The following NRXN1 variants were observed in gnomAD, a reference collection of about 807,000 sequenced individuals.
NRXN1 encodes neurexin 1.
Under a neutral mutation model 150.9 loss-of-function variants are expected in NRXN1, and 39 were observed. The ratio of observed to expected loss-of-function variants is 0.26; its 90% CI spans 0.20 to 0.34. The LOEUF (loss-of-function observed/expected upper bound fraction) is 0.34, where lower values mean the gene tolerates loss of function less well. Among genes scored for constraint, NRXN1 ranks in the 10% least tolerant of loss-of-function variants. The pLI is 1.00. For synonymous variants in NRXN1, 924 were observed against 757.0 expected (o/e 1.22, Z -3.62); for missense variants, 1,815 against 1,949.9 (o/e 0.93, Z 1.30).
At chr2:50,771,399 A>C (rs1225496643) in intron 5 of NRXN1, among the ~76,000 whole-genome samples, 1 of 152,152 alleles carries the variant, frequency 6.6e-6, no homozygotes, top group Non-Finnish European at 1.5e-5. Context: ...GGTTGCCTAG[A>C]TAGAAATAAC....
chr2:50,392,831 A>T (rs2081815303), intron 17 of NRXN1, among the ~76,000 whole-genome samples: 1 of 152,146 alleles, frequency 6.6e-6, no homozygotes, highest in Non-Finnish European at 1.5e-5. Flanking sequence ...TATTAAAAGC[A>T]AAATGAGCTT....
At chr2:50,298,209 A>G (rs1018875098) in intron 17 of NRXN1, among the ~76,000 whole-genome samples, 1 of 152,216 alleles carries the variant, frequency 6.6e-6, no homozygotes, top group Non-Finnish European at 1.5e-5. Context: ...TCAGGGTCCC[A>G]ATATCTTTAC....
intron 18 of NRXN1, among the ~76,000 whole-genome samples, chr2:50,198,378 G>A (rs116816479): frequency 0.012 from 1,769 of 152,186 alleles, 20 homozygotes; most frequent in Non-Finnish European, 0.019. Context: ...TCCCATGTAG[G>A]AGAATAAGAC....
At chr2:50,875,539 G>T (rs1678446960) in intron 5 of NRXN1, among the ~76,000 whole-genome samples, 1 of 151,414 alleles carries the variant, frequency 6.6e-6, no homozygotes, top group Non-Finnish European at 1.5e-5. Context: ...TCTTTTTATG[G>T]TTTTCAAGCT....
intron 5 of NRXN1, among the ~76,000 whole-genome samples, chr2:50,909,074 G>A (rs1684160656): frequency 6.6e-6 from 1 of 152,022 alleles, no homozygotes; most frequent in South Asian, 2.1e-4. Context: ...TTAAGTAAAT[G>A]AGAAATTAGA....
At chr2:50,746,595 CAAA>C (rs1159295089) in intron 5 of NRXN1, among the ~76,000 whole-genome samples, 2 of 142,106 alleles carry the variant, frequency 1.4e-5, no homozygotes, top group African/African-American at 2.6e-5. Flanking sequence ...ACAACAACAA[CAAA>C]AATGTGGTCT....
intron 5 of NRXN1, among the ~76,000 whole-genome samples, chr2:50,735,807 T>C (rs774674072): frequency 3.9e-5 from 6 of 152,184 alleles, no homozygotes; most frequent in African/African-American, 7.2e-5. Flanking sequence ...TCCACTGTTA[T>C]TGATAGCTCC....
chr2:50,576,614 CA>C (rs887684514), intron 8 of NRXN1, among the ~76,000 whole-genome samples: 12 of 152,100 alleles, frequency 7.9e-5, no homozygotes, highest in African/African-American at 2.9e-4. Flanking sequence ...CAGACACACA[CA>C]AACACATACA....
intron 5 of NRXN1, among the ~76,000 whole-genome samples, chr2:50,864,461 A>G (rs1007117065): frequency 8.5e-5 from 13 of 152,064 alleles, no homozygotes; most frequent in Non-Finnish European, 1.9e-4. Context: ...GTTTTTAAAC[A>G]AAGTGTGTAT....
chr2:50,818,114 C>CAAAAA (rs199675644), intron 5 of NRXN1, among the ~76,000 whole-genome samples: 2 of 46,712 alleles, frequency 4.3e-5, no homozygotes, highest in African/African-American at 7.8e-5. Context: ...GACTCCATAG[C>CAAAAA]AAAAAAAAAA....
At chr2:50,372,105 C>A (rs75114312) in intron 17 of NRXN1, among the ~76,000 whole-genome samples, 2,575 of 152,200 alleles carry the variant, frequency 0.017, 84 homozygotes, top group African/African-American at 0.058. Context: ...TGTTACATTT[C>A]TTCTTCGGTC....
intron 5 of NRXN1, among the ~76,000 whole-genome samples, chr2:50,824,953 C>A (rs1357549753): frequency 6.6e-6 from 1 of 152,094 alleles, no homozygotes; most frequent in Non-Finnish European, 1.5e-5. Flanking sequence ...TCTTGGAGAC[C>A]GGAATTCTCC....
intron 8 of NRXN1, among the ~76,000 whole-genome samples, chr2:50,594,340 A>G (rs762441409): frequency 2.0e-5 from 3 of 152,202 alleles, no homozygotes; most frequent in Non-Finnish European, 4.4e-5. Flanking sequence ...TCATATGGTC[A>G]TATTTATGTA....
At chr2:50,066,934 C>T (rs185015032) in intron 19 of NRXN1, among the ~76,000 whole-genome samples, 34 of 152,076 alleles carry the variant, frequency 2.2e-4, no homozygotes, top group African/African-American at 6.8e-4. Flanking sequence ...AAATTAAATG[C>T]GATATATTAA....
intron 18 of NRXN1, among the ~76,000 whole-genome samples, chr2:50,210,177 T>C (rs2062913951): frequency 6.6e-6 from 1 of 151,930 alleles, no homozygotes; most frequent in Admixed American, 6.6e-5. Flanking sequence ...AGAATAGCCT[T>C]GTTTTGTTTT....
At chr2:50,435,289 G>A (rs1256049411) in intron 17 of NRXN1, among the ~76,000 whole-genome samples, 1 of 151,998 alleles carries the variant, frequency 6.6e-6, no homozygotes, top group East Asian at 1.9e-4. Flanking sequence ...TGCCCTCCCT[G>A]CTTCATTTAT....
chr2:50,033,212 C>A (rs1375759727), intron 21 of NRXN1, among the ~76,000 whole-genome samples: 1 of 151,920 alleles, frequency 6.6e-6, no homozygotes, highest in African/African-American at 2.4e-5. Context: ...CATCATGCTA[C>A]CTGATTTCAA....
intron 2 of NRXN1, among the ~76,000 whole-genome samples, chr2:51,016,633 GA>G (rs1454193253): frequency 6.6e-6 from 1 of 152,142 alleles, no homozygotes; most frequent in Admixed American, 6.5e-5. Context: ...TGGAGAAAAA[GA>G]AACGCTTTTA....
At chr2:50,297,102 G>A (rs547249071) in intron 17 of NRXN1, among the ~76,000 whole-genome samples, 1 of 151,906 alleles carries the variant, frequency 6.6e-6, no homozygotes, top group East Asian at 2.0e-4. Flanking sequence ...TAATGGTCAG[G>A]CTGGTCTCAA....
Sources: gnomAD v4.1 joint callset for allele counts (sites outside exome capture counted in the v4.1 genomes callset) on GRCh38, gnomAD v4.1.1 for gene constraint, MANE v1.5 for transcripts, NCBI Gene and HGNC (gene_info 2026-07-23, HGNC 2026-07-21) for gene names.